Variants in CHRD observed in about 807,000 individuals in gnomAD.
CHRD encodes the protein chordin.
A neutral mutation model predicts 113.7 loss-of-function variants in CHRD; 69 were observed. The observed-to-expected ratio is 0.61, with a 90% CI of 0.50 to 0.74. The LOEUF (loss-of-function observed/expected upper bound fraction) is 0.74. CHRD is among the 30% of genes least tolerant of loss of function. CHRD has a pLI of 0.00. For missense variants in CHRD, 1,194 were observed against 1,295.8 expected, an observed-to-expected ratio of 0.92 and a Z score of 1.21; for synonymous variants, 561 against 540.8, an observed-to-expected ratio of 1.04 and a Z score of -0.52.
exon 7 of CHRD, chr3:184,382,428 C>T (rs186990063): frequency 9.9e-6 from 16 of 1,614,084 alleles, no homozygotes; most frequent in East Asian, 8.9e-5. Context: ...GTTGTCTCTG[C>T]GGCTCCTTAG....
exon 10 of CHRD, chr3:184,383,152 A>G: frequency 6.3e-7 from 1 of 1,598,164 alleles, no homozygotes; most frequent in East Asian, 2.2e-5. Context: ...GCTGCCAGGA[A>G]GAGCTGCGAC....
chr3:184,389,242 A>G, intron 22 of CHRD, 125 bp from the exon 23 acceptor site: 1 of 808,028 alleles, frequency 1.2e-6, no homozygotes, highest in Admixed American at 2.4e-5. Context: ...GTGTGCACTG[A>G]CCTGTTTAGA....
At position 184,381,561 on chromosome 3, in the gene CHRD, C is replaced by A; in HGVS notation, c.448C>A (p.Arg150Ser). Residue 150 changes from arginine to serine, a missense_variant, in exon 4 of 23, where the codon CGC (arginine) becomes AGC (serine). Coordinates refer to ENST00000204604, the Ensembl canonical transcript of CHRD. This position sits in a 1 kb window ranked among gnomAD's most constrained non-coding sequence, Gnocchi z 4.7. ...CGAGTATCCGCGGGACCCGGAGCAT[C>A]GCAGTTATAGCGACCGCGGGGAGCC... 6.2e-7 allele frequency: 1 copy of A among 1,609,070 alleles called. No homozygotes were observed.
Position 184,380,279 on chromosome 3 carries a change from C to T in CHRD, c.-40C>T. 1 of 1,156,178 alleles carries T rather than the reference C, an allele frequency of 8.6e-7. No homozygotes were observed. The highest frequency in any genetic ancestry group is 1.1e-6 in the Non-Finnish European group (1 of 921,262). 71.6% of individuals were successfully genotyped at this position (1,156,178 alleles called of 1,614,324 possible). A position where few individuals can be genotyped will look rare whatever the true frequency, so the allele number is the denominator to read the frequency against. On this transcript the variant is annotated 5_prime_UTR_variant, in exon 1 of 23. Coordinates refer to ENST00000204604, the Ensembl canonical transcript of CHRD. This position sits in a 1 kb window ranked among gnomAD's most constrained non-coding sequence, Gnocchi z 6.3. ...CTCCCTCCCTCCGCCCGCTCCCGCGCCCTCCTCCCTCCCTCCTCCCCAGCT... is the reference window on the plus strand; with the variant it reads ...CTCCCTCCCTCCGCCCGCTCCCGCGTCCTCCTCCCTCCCTCCTCCCCAGCT...
chr3:184,385,258 C>T lies in CHRD; in HGVS notation c.1818+20C>T, dbSNP rs769441367. The T allele has an allele frequency of 5.4e-5, 85 of 1,583,306 alleles. No individual in the cohort carries two copies. In the South Asian group the frequency reaches 6.0e-4, roughly 11 times the overall value. ...TCAGAGGTAAGGATGTGATGGTAGG[C>T]GGCAGCTTGGAACATTTCTGTTTTT... On this transcript the variant is annotated intron_variant, in intron 14 of 22. Transcript: ENST00000204604.
intron 7 of CHRD, 44 bp from the exon 8 acceptor site, chr3:184,382,590 G>T (rs200378509): frequency 2.1e-4 from 337 of 1,610,752 alleles, no homozygotes; most frequent in Non-Finnish European, 2.7e-4. Flanking sequence ...CCAGGAAAGG[G>T]GGGGAGGGTT....
chr3:184,386,913 C>T (rs141541705), exon 17 of CHRD: 26 of 1,614,094 alleles, frequency 1.6e-5, no homozygotes, highest in Middle Eastern at 1.6e-4. Context: ...TGCAGGCTCC[C>T]GACCAGTGCT....
Position 184,380,523 on chromosome 3 carries a change from G to T in CHRD, c.148+57G>T. 9.1e-7 allele frequency: 1 copy of T among 1,102,970 alleles called. No homozygotes were observed. Among genetic ancestry groups the T allele is most frequent in the Non-Finnish European group, 1.1e-6 (1 of 897,750 alleles). 68.3% of individuals were successfully genotyped at this position (1,102,970 alleles called of 1,614,324 possible). On this transcript the variant is annotated intron_variant, in intron 1 of 22. Transcript: ENST00000204604. This position sits in a 1 kb window ranked among gnomAD's most constrained non-coding sequence, Gnocchi z 6.3. ...GGAGTCGGGCTCGGGGCGAGTCAGC[G>T]CCAGCCCGGAGGGGGCGCGGGGCGC...
chr3:184,380,368 T>C lies in CHRD; in HGVS notation c.50T>C (p.Leu17Pro). 1 of 1,347,674 alleles carries C rather than the reference T, an allele frequency of 7.4e-7. No individual in the cohort carries two copies. The highest frequency in any genetic ancestry group is 9.6e-7 in the Non-Finnish European group (1 of 1,038,524). 83.5% of individuals were successfully genotyped at this position (1,347,674 alleles called of 1,614,324 possible). A position where few individuals can be genotyped will look rare whatever the true frequency, so the allele number is the denominator to read the frequency against. Residue 17 changes from leucine to proline, a missense_variant, in exon 1 of 23, where the codon CTG becomes CCG. Leu to Pro is a moderately conservative substitution (Grantham distance 98). Coordinates refer to ENST00000204604, the Ensembl canonical transcript of CHRD. The surrounding 1 kb of genome is among the most constrained non-coding windows in gnomAD (Gnocchi z 6.3). ...GCCCCGCTGCTGCTCCTCGGGCTGC[T>C]GCTGCTCGGCTCCCGGCCGGCCCGC...
At chr3:184,386,599 T>G in exon 16 of CHRD, 1 of 1,602,056 alleles carries the variant, frequency 6.2e-7, no homozygotes, top group Non-Finnish European at 8.5e-7. Flanking sequence ...CTGCGCCGCC[T>G]GTGGTGCCTG....
In CHRD at chr3:184,386,828, T is replaced by C; in HGVS notation, c.2197-17T>C. On this transcript the variant is annotated splice_polypyrimidine_tract_variant and intron_variant, in intron 16 of 22. Transcript: ENST00000204604. The stretch of plus-strand genomic sequence containing the variant: ...GGGCCTGGACACTCCCGTCAATGCC[T>C]CTGCTCCTCTCTGCAGAGACGAACG... The C allele has an allele frequency of 6.2e-7, 1 of 1,614,066 alleles. No homozygotes were observed. The highest frequency in any genetic ancestry group is 1.3e-5 in the African/African-American group (1 of 75,052).
At position 184,387,952 on chromosome 3, in the gene CHRD, T is replaced by C; in HGVS notation, c.2473T>C (p.Cys825Arg). Residue 825 changes from cysteine (C) to arginine (R), a missense_variant, in exon 20 of 23, where the codon TGT (cysteine) becomes CGT (arginine). By Grantham distance (180) the Cys-to-Arg change is radical. Transcript: ENST00000204604. This position sits in a 1 kb window ranked among gnomAD's most constrained non-coding sequence, Gnocchi z 6.1. ...ACAGGGGGGCACTGGAGAGGTGCAC[T>C]GTGAGAAGGTGCAGTGTCCCCGGCT... 6.2e-7 allele frequency: 1 copy of C among 1,613,186 alleles called. No homozygotes were observed. Among genetic ancestry groups the C allele is most frequent in the Non-Finnish European group, 8.5e-7 (1 of 1,179,830 alleles).
intron 14 of CHRD, among the ~76,000 whole-genome samples, chr3:184,385,601 G>A (rs574353956): frequency 2.0e-5 from 3 of 148,996 alleles, no homozygotes; most frequent in South Asian, 4.2e-4. Context: ...GGGAGGTGGA[G>A]GTTGCAGTGA....
exon 16 of CHRD, chr3:184,386,755 G>A: frequency 6.2e-7 from 1 of 1,613,158 alleles, no homozygotes; most frequent in Non-Finnish European, 8.5e-7. Flanking sequence ...GCACCTGCCA[G>A]GTAGGAGGTC....
In CHRD at chr3:184,384,704, T is replaced by C. The variant is rs1180658153; in HGVS notation, c.1597+11T>C. ...GCGCCCGCCATGACAGTGAGTGTCC[T>C]TAGGGGTCTGTCTGCCCTTTGGTTT... On this transcript the variant is annotated intron_variant, in intron 13 of 22. Coordinates refer to ENST00000204604, the Ensembl canonical transcript of CHRD. The surrounding 1 kb of genome is among the most constrained non-coding windows in gnomAD (Gnocchi z 4.4). 2.0e-6 allele frequency: 3 copies of C among 1,536,126 alleles called. No individual in the cohort carries two copies. The Admixed American group carries it at 6.3e-5, about 32-fold the overall frequency.
chr3:184,381,269 G>C lies in CHRD; in HGVS notation c.287G>C (p.Arg96Thr). Residue 96 changes from arginine to threonine, a missense_variant, in exon 3 of 23, where the codon AGG becomes ACG. Arg to Thr is a moderately conservative substitution (Grantham distance 71). Coordinates refer to ENST00000204604, the Ensembl canonical transcript of CHRD. This position sits in a 1 kb window ranked among gnomAD's most constrained non-coding sequence, Gnocchi z 4.7. ...GGTCGCCGTACCAGGGGCCCTGGCA[G>C]GGTCAGCTGCAAGAACATCAAACCA... 8 of 1,613,392 alleles carry C rather than the reference G, an allele frequency of 5.0e-6. No homozygotes were observed. The highest frequency in any genetic ancestry group is 6.8e-6 in the Non-Finnish European group (8 of 1,179,970).
intron 6 of CHRD, 26 bp downstream of exon 6, chr3:184,382,046 TTGCCCAGTCTGGGCACTG>T (rs1560299538): frequency 6.2e-7 from 1 of 1,612,198 alleles, no homozygotes; most frequent in East Asian, 2.2e-5. Context: ...TTATGAGCAC[TTGCCCAGTCTGGGCACTG>T]TGCCGAGAGC....
exon 16 of CHRD, chr3:184,386,695 C>T (rs1211389451): frequency 1.2e-6 from 2 of 1,612,496 alleles, no homozygotes; most frequent in Non-Finnish European, 1.7e-6. Flanking sequence ...GGCAGCAGCG[C>T]CCCCACGGGG....
chr3:184,383,707 A>C, intron 12 of CHRD, 65 bp downstream of exon 12: 1 of 1,478,184 alleles, frequency 6.8e-7, no homozygotes, highest in Non-Finnish European at 9.1e-7. Context: ...GCCAGGTTGG[A>C]TGAGCAGGGA....
Sources: gnomAD v4.1 joint callset for allele counts (sites outside exome capture counted in the v4.1 genomes callset) on GRCh38, gnomAD v4.1.1 for gene constraint, Gnocchi (gnomAD v3.1) non-coding constraint, MANE v1.5 for transcripts, NCBI Gene and HGNC (gene_info 2026-07-23, HGNC 2026-07-21) for gene names.